Variants in CDH18 observed in about 807,000 individuals in gnomAD.
CDH18 encodes cadherin 18, also known as cadherin-18.
A neutral mutation model predicts 67.9 loss-of-function variants in CDH18; 31 were observed. The ratio of observed to expected loss-of-function variants is 0.46; its 90% CI spans 0.34 to 0.62. The LOEUF is 0.62. Ranked by LOEUF, CDH18 falls within the 20% of genes least tolerant of loss-of-function variation. The pLI is 0.01. For synonymous variants in CDH18, 362 were observed against 347.2 expected (o/e 1.04, Z -0.48); for missense variants, 890 against 975.5 (o/e 0.91, Z 1.17).
intron 1 of CDH18, among the ~76,000 whole-genome samples, chr5:20,316,496 TA>T: frequency 6.6e-6 from 1 of 152,238 alleles, no homozygotes; most frequent in South Asian, 2.1e-4. Context: ...CATAATTATT[TA>T]AACTTAGTGA....
chr5:19,674,359 T>A (rs936596343), intron 5 of CDH18, among the ~76,000 whole-genome samples: 1 of 152,100 alleles, frequency 6.6e-6, no homozygotes, highest in African/African-American at 2.4e-5. Flanking sequence ...AGAAAACCTA[T>A]TGGCATTTCT....
intron 2 of CDH18, among the ~76,000 whole-genome samples, chr5:20,242,622 A>ATATATACATGTATATATATATATG (rs1743047940): frequency 9.3e-6 from 1 of 106,968 alleles, no homozygotes; most frequent in Non-Finnish European, 1.8e-5. Context: ...ATATATATAT[A>ATATATACATGTATATATATATATG]TATATATATA....
At chr5:19,488,587 A>T (rs1740780803) in intron 11 of CDH18, among the ~76,000 whole-genome samples, 1 of 152,160 alleles carries the variant, frequency 6.6e-6, no homozygotes. Context: ...CAGAAATAGA[A>T]TCTATTCATA....
chr5:20,563,011 G>A (rs1758308016), intron 1 of CDH18, among the ~76,000 whole-genome samples: 1 of 150,000 alleles, frequency 6.7e-6, no homozygotes, highest in African/African-American at 2.4e-5. Context: ...TTTTAGCATG[G>A]TGACCTAACT....
intron 2 of CDH18, chr5:19,886,134 T>A (rs1665162339): frequency 6.6e-6 from 1 of 152,182 alleles, no homozygotes; most frequent in Admixed American, 6.6e-5. Context: ...GCATCTCTAA[T>A]TATCACACCA....
intron 5 of CDH18, among the ~76,000 whole-genome samples, chr5:19,699,060 A>C (rs1762887650): frequency 6.6e-6 from 1 of 152,114 alleles, no homozygotes; most frequent in African/African-American, 2.4e-5. Context: ...CTATTATATG[A>C]GTTATATTCC....
At chr5:19,723,079 A>T (rs1267022254) in intron 4 of CDH18, among the ~76,000 whole-genome samples, 3 of 151,212 alleles carry the variant, frequency 2.0e-5, no homozygotes, top group Admixed American at 6.6e-5. Context: ...CACACACAAA[A>T]TTTTTTTTTG....
chr5:20,036,936 C>A (rs959983174), intron 2 of CDH18, among the ~76,000 whole-genome samples: 6 of 151,850 alleles, frequency 4.0e-5, no homozygotes, highest in Non-Finnish European at 8.8e-5. Context: ...GGATTGCAAC[C>A]CCTGCTTTTT....
chr5:19,570,854 C>T (rs1286672843), intron 8 of CDH18, among the ~76,000 whole-genome samples: 2 of 152,104 alleles, frequency 1.3e-5, no homozygotes, highest in African/African-American at 4.8e-5. Context: ...TAACTAAATC[C>T]TATCAACATA....
intron 1 of CDH18, among the ~76,000 whole-genome samples, chr5:20,470,154 A>G (rs996889218): frequency 1.3e-5 from 2 of 152,120 alleles, no homozygotes; most frequent in African/African-American, 4.8e-5. Context: ...TTGATCTCAC[A>G]ATATTTTCAC....
At chr5:19,800,141 A>G (rs1777299441) in intron 3 of CDH18, among the ~76,000 whole-genome samples, 1 of 152,156 alleles carries the variant, frequency 6.6e-6, no homozygotes, top group Non-Finnish European at 1.5e-5. Flanking sequence ...ATATCCTTAA[A>G]AACACTATTG....
intron 2 of CDH18, among the ~76,000 whole-genome samples, chr5:20,009,826 GTTCT>G (rs780690662): frequency 1.4e-4 from 21 of 151,910 alleles, no homozygotes; most frequent in Non-Finnish European, 2.9e-4. Context: ...TTTGCTTCTT[GTTCT>G]TTGTTTTCAT....
At position 20,473,837 on chromosome 5, in the gene CDH18, A is replaced by C. The variant is rs576145006; in HGVS notation, c.-580+101625T>G. Among the ~76,000 whole-genome samples, 334 of 152,250 alleles carry C rather than the reference A, an allele frequency of 2.2e-3. 1 individual carries two copies. The highest frequency in any genetic ancestry group is 7.9e-3 in the African/African-American group (327 of 41,562). The stretch of plus-strand genomic sequence containing the variant: ...TAACATCAGATAATCTTATTTTTCA[A>C]AATCAATAGAGAAGACATTGTCCAT... On this transcript the variant is annotated intron_variant, in intron 1 of 14. Coordinates refer to the CDH18 transcript ENST00000507958.
intron 1 of CDH18, among the ~76,000 whole-genome samples, chr5:20,332,903 T>C (rs1174982387): frequency 1.3e-5 from 2 of 152,100 alleles, no homozygotes; most frequent in East Asian, 1.9e-4. Context: ...CCCACACTCA[T>C]GTAGACTGGG....
intron 1 of CDH18, among the ~76,000 whole-genome samples, chr5:20,372,061 G>A (rs926556360): frequency 7.2e-5 from 11 of 152,244 alleles, no homozygotes; most frequent in South Asian, 2.1e-4. Context: ...AACAGGCACC[G>A]AAAAGATACA....
intron 2 of CDH18, among the ~76,000 whole-genome samples, chr5:19,933,051 G>A (rs1793879097): frequency 6.6e-6 from 1 of 151,310 alleles, no homozygotes; most frequent in African/African-American, 2.4e-5. Context: ...AATCATAACT[G>A]TAATGCAGGT....
At chr5:20,574,202 T>A (rs1490892239) in intron 1 of CDH18, among the ~76,000 whole-genome samples, 1 of 151,742 alleles carries the variant, frequency 6.6e-6, no homozygotes, top group South Asian at 2.1e-4. Flanking sequence ...CATAAAATAG[T>A]GTTTTTTTAA....
At chr5:20,423,852 C>G (rs1185984249) in intron 1 of CDH18, among the ~76,000 whole-genome samples, 1 of 142,674 alleles carries the variant, frequency 7.0e-6, no homozygotes, top group East Asian at 2.0e-4. Flanking sequence ...GAGGCTGAGG[C>G]AGGAGAATGG....
intron 2 of CDH18, among the ~76,000 whole-genome samples, chr5:20,137,664 A>G (rs565482656): frequency 3.4e-4 from 52 of 151,950 alleles, no homozygotes; most frequent in African/African-American, 1.2e-3. Flanking sequence ...GAGAAGAGGC[A>G]CTCTGATTTT....
Sources: allele counts gnomAD v4.1 joint callset (sites outside exome capture counted in the v4.1 genomes callset), GRCh38; gene constraint gnomAD v4.1.1; transcripts MANE v1.5; gene names NCBI Gene and HGNC (gene_info 2026-07-23, HGNC 2026-07-21).